ADGB: variants seen among roughly 807,000 people sequenced by gnomAD.
The protein encoded by ADGB is androglobin.
A neutral mutation model predicts 210.5 loss-of-function variants in ADGB; 172 were observed. The observed-to-expected ratio is 0.82, with a 90% confidence interval of 0.72 to 0.93. The LOEUF (loss-of-function observed/expected upper bound fraction) is 0.93. ADGB is among the 40% of genes least tolerant of loss of function. The probability of loss-of-function intolerance (pLI) is 0.00; values close to 1 mark genes in which losing one functional copy is unlikely to be tolerated. For missense variants in ADGB, 2,025 were observed against 1,964.8 expected (o/e 1.03, Z -0.58); for synonymous variants, 658 against 662.7 (o/e 0.99, Z 0.11).
chr6:146,785,768 T>C, intron 32 of ADGB, 56 bp downstream of exon 32: 1 of 1,269,238 alleles, frequency 7.9e-7, no homozygotes, highest in Non-Finnish European at 1.1e-6. Context: ...GATTTGCACT[T>C]CTTAAAAAAA....
At chr6:146,609,221 T>C (rs1222534333) in intron 1 of ADGB, among the ~76,000 whole-genome samples, 2 of 152,230 alleles carry the variant, frequency 1.3e-5, no homozygotes, top group Non-Finnish European at 2.9e-5. Context: ...ATTTGCTTGA[T>C]AGATCTTTCT....
At chr6:146,804,052 C>A (rs941167132) in intron 35 of ADGB, among the ~76,000 whole-genome samples, 4 of 152,160 alleles carry the variant, frequency 2.6e-5, no homozygotes, top group African/African-American at 9.7e-5. Context: ...CAACTTTTTG[C>A]ATCCAGATTA....
chr6:146,771,946 T>C (rs1239777525), intron 29 of ADGB, among the ~76,000 whole-genome samples: 3 of 152,222 alleles, frequency 2.0e-5, no homozygotes, highest in Admixed American at 6.5e-5. Context: ...TTTTGCTTTT[T>C]GTTTTGGACA....
chr6:146,724,113 A>G, intron 17 of ADGB, 73 bp from the exon 18 acceptor site: 1 of 1,237,600 alleles, frequency 8.1e-7, no homozygotes, highest in South Asian at 1.7e-5. Flanking sequence ...TACTTAATAA[A>G]AAAAGACAGT....
At chr6:146,803,375 A>G (rs917085035) in intron 35 of ADGB, 4 of 1,607,644 alleles carry the variant, frequency 2.5e-6, no homozygotes, top group Non-Finnish European at 3.4e-6. Flanking sequence ...GTAATTTTTC[A>G]GTCTGGTGGC....
At chr6:146,806,890 G>A (rs1201563570) in intron 35 of ADGB, among the ~76,000 whole-genome samples, 1 of 152,132 alleles carries the variant, frequency 6.6e-6, no homozygotes, top group Non-Finnish European at 1.5e-5. Context: ...AAATGATCTT[G>A]GATTTAACTA....
At chr6:146,666,749 A>G in intron 6 of ADGB, 67 bp from the exon 7 acceptor site, 1 of 924,986 alleles carries the variant, frequency 1.1e-6, no homozygotes, top group South Asian at 1.7e-5. Context: ...AATGATTCCT[A>G]GTTCTTATAT....
chr6:146,763,489 G>A (rs1026241419), intron 27 of ADGB, among the ~76,000 whole-genome samples: 3 of 151,652 alleles, frequency 2.0e-5, no homozygotes, highest in African/African-American at 7.3e-5. Context: ...AAACCTATCA[G>A]CAGTACTTAT....
intron 1 of ADGB, among the ~76,000 whole-genome samples, chr6:146,603,290 G>A (rs4896876): frequency 0.91 from 138,661 of 152,072 alleles, 63,238 homozygotes; most frequent in Middle Eastern, 0.95. Flanking sequence ...ATTAGATGCC[G>A]CTGGAGGGAT....
chr6:146,754,430 T>C (rs1777379727), intron 27 of ADGB, among the ~76,000 whole-genome samples: 1 of 151,824 alleles, frequency 6.6e-6, no homozygotes. Context: ...TAAAATTTAG[T>C]CAAATGCTTT....
At chr6:146,599,645 G>A (rs139705364) in intron 1 of ADGB, among the ~76,000 whole-genome samples, 1 of 152,248 alleles carries the variant, frequency 6.6e-6, no homozygotes, top group Non-Finnish European at 1.5e-5. Context: ...TATAGTTCAT[G>A]TTACTAACAT....
chr6:146,722,573 G>C (rs1301835923), intron 17 of ADGB, among the ~76,000 whole-genome samples: 2 of 152,098 alleles, frequency 1.3e-5, no homozygotes, highest in African/African-American at 2.4e-5. Context: ...CAAGGCCTTA[G>C]GCACTGCCAG....
At chr6:146,653,543 A>C (rs1226573128) in intron 3 of ADGB, among the ~76,000 whole-genome samples, 1 of 152,192 alleles carries the variant, frequency 6.6e-6, no homozygotes, top group East Asian at 1.9e-4. Flanking sequence ...AATGATGAGA[A>C]TACATCGACA....
At chr6:146,784,557 A>G (rs1777846042) in intron 30 of ADGB, 61 bp from the exon 31 acceptor site, 1 of 1,300,668 alleles carries the variant, frequency 7.7e-7, no homozygotes, top group East Asian at 2.6e-5. Context: ...TCATATGGTA[A>G]AATCTAGACC....
intron 12 of ADGB, among the ~76,000 whole-genome samples, chr6:146,698,878 A>G (rs1776447945): frequency 6.6e-6 from 1 of 152,124 alleles, no homozygotes; most frequent in Non-Finnish European, 1.5e-5. Context: ...ATGTTCCACC[A>G]TGCCCAGCAT....
At chr6:146,600,416 G>C (rs192312405) in intron 1 of ADGB, 1 of 205,596 alleles carries the variant, frequency 4.9e-6, no homozygotes, top group Admixed American at 5.2e-5. Flanking sequence ...TCCACTCCCT[G>C]AGTCATCTCA....
chr6:146,809,354 A>G (rs908568204), intron 35 of ADGB, among the ~76,000 whole-genome samples: 8 of 152,142 alleles, frequency 5.3e-5, no homozygotes, highest in South Asian at 4.1e-4. Context: ...TTAGTGGTGC[A>G]GCCACCACGC....
intron 16 of ADGB, among the ~76,000 whole-genome samples, chr6:146,718,677 G>A (rs1311030417): frequency 6.6e-6 from 1 of 152,206 alleles, no homozygotes. Flanking sequence ...ATAGGACAAG[G>A]CCACCCAAGC....
chr6:146,763,812 G>C (rs1371242008), intron 27 of ADGB, 89 bp from the exon 28 acceptor site: 1 of 1,143,442 alleles, frequency 8.7e-7, no homozygotes, highest in Non-Finnish European at 1.2e-6. Flanking sequence ...ATTCCTTTGA[G>C]TGTTTTATAA....
Sources: gnomAD v4.1 joint callset for allele counts (sites outside exome capture counted in the v4.1 genomes callset) on GRCh38, gnomAD v4.1.1 for gene constraint, MANE v1.5 for transcripts, NCBI Gene and HGNC (gene_info 2026-07-23, HGNC 2026-07-21) for gene names.